The following RPAIN variants were observed in gnomAD, a reference collection of about 807,000 sequenced individuals.
RPAIN encodes the protein RPA interacting protein, also known as RPA-interacting protein.
RPAIN carries 29 observed loss-of-function variants against 30.5 expected under a neutral mutation model. The observed-to-expected ratio is 0.95, with a 90% CI of 0.71 to 1.30. The LOEUF (loss-of-function observed/expected upper bound fraction) is 1.30, where lower values mean the gene tolerates loss of function less well. Among genes scored for constraint, RPAIN ranks in the 50% most tolerant of loss-of-function variants. The probability of loss-of-function intolerance (pLI) is 0.00; values close to 1 mark genes in which losing one functional copy is unlikely to be tolerated. For missense variants in RPAIN, 247 were observed against 264.7 expected, an observed-to-expected ratio of 0.93 and a Z score of 0.46; for synonymous variants, 101 against 93.5, an observed-to-expected ratio of 1.08 and a Z score of -0.46.
At chr17:5,428,822 G>A (rs545888480) in intron 6 of RPAIN, 153 of 987,466 alleles carry the variant, frequency 1.5e-4, no homozygotes, top group Admixed American at 9.6e-4. Flanking sequence ...AATATGATAC[G>A]TATTATTATT....
intron 6 of RPAIN, chr17:5,430,903 C>CA (rs1405750775): frequency 6.3e-6 from 1 of 157,502 alleles, no homozygotes; most frequent in Non-Finnish European, 1.4e-5. Context: ...GTGTGAAAGA[C>CA]AAAATGCTGG....
intron 6 of RPAIN, 163 bp from the exon 7 acceptor site, chr17:5,432,379 A>T: frequency 1.5e-6 from 1 of 650,374 alleles, no homozygotes; most frequent in Non-Finnish European, 2.7e-6. Flanking sequence ...CAGCAATGCC[A>T]AAGAGGGGCG....
chr17:5,425,422 G>A (rs1038092921), intron 3 of RPAIN: 1 of 439,758 alleles, frequency 2.3e-6, no homozygotes. Flanking sequence ...TGCAACCTCC[G>A]CCTCCTGGGT....
rs1436480771 is a variant in RPAIN at position 5,421,305 on chromosome 17, G to A, written c.91G>A (p.Glu31Lys). The A allele has an allele frequency of 6.2e-7, 1 of 1,610,610 alleles. No individual in the cohort carries two copies. The highest frequency in any genetic ancestry group is 1.7e-5 in the Admixed American group (1 of 59,182). The change falls in exon 2 of 7, where the codon GAG becomes AAG. Residue 31 changes from glutamate (E) to lysine (K), a missense_variant. By Grantham distance (56) the Glu-to-Lys change is moderately conservative (BLOSUM62 1). Coordinates refer to ENST00000381209, the MANE Select transcript of RPAIN (RefSeq NM_001033002.4). ...TGCTCTTTTTTCCCAGAGATGCCTG[G>A]AGAGAATGAGAAACAGCCGGGACAG... ...WKEAFRQRCL[E>K]RMRNSRDRLL...
intron 6 of RPAIN, chr17:5,431,130 G>A (rs773546638): frequency 6.5e-5 from 20 of 308,552 alleles, no homozygotes; most frequent in African/African-American, 8.9e-5. Flanking sequence ...TGACAGTGCC[G>A]GCTCTGGGGT....
intron 3 of RPAIN, among the ~76,000 whole-genome samples, chr17:5,424,113 G>A (rs1185673820): frequency 6.6e-6 from 1 of 150,568 alleles, no homozygotes; most frequent in African/African-American, 2.4e-5. Context: ...TCAGCCTCCC[G>A]AGTAGCTGGG....
At chr17:5,421,149 G>A (rs765625072) in intron 1 of RPAIN, 147 bp from the exon 2 acceptor site, 2 of 712,642 alleles carry the variant, frequency 2.8e-6, no homozygotes, top group African/African-American at 1.8e-5. Context: ...CTCTACAGAG[G>A]AATATGCAAA....
chr17:5,432,584 C>G lies in RPAIN; in HGVS notation c.*13C>G, dbSNP rs1361333560. 2 of 1,613,048 alleles carry G rather than the reference C, an allele frequency of 1.2e-6. No homozygotes were observed. Among genetic ancestry groups the G allele is most frequent in the Non-Finnish European group, 1.7e-6 (2 of 1,178,998 alleles). ...TGTGATCCTCTAGAGCCAGCTTGGA[C>G]TCACATCATTCTATGGGGTTGAAGA... On this transcript the variant is annotated 3_prime_UTR_variant, in exon 7 of 7. Coordinates refer to ENST00000381209, the MANE Select transcript of RPAIN (RefSeq NM_001033002.4).
rs115985699 is a variant in RPAIN, at chr17:5,429,137, G to T, written c.630+926G>T. ...CTCAAGCCTTGGGTTGGTAATAAGA[G>T]AACAGAATAAACAGGCAGTACCCTG... On this transcript the variant is annotated intron_variant, in intron 6 of 6. Transcript: ENST00000381209. The T allele has an allele frequency of 1.5e-3, 1,440 of 985,410 alleles. 20 individuals carry two copies. In the African/African-American group the frequency reaches 0.023, roughly 16 times the overall value. 61.0% of individuals were successfully genotyped at this position (985,410 alleles called of 1,614,324 possible). A position where few individuals can be genotyped will look rare whatever the true frequency, so the allele number is the denominator to read the frequency against.
At chr17:5,420,811 G>A (rs1914705052) in intron 1 of RPAIN, among the ~76,000 whole-genome samples, 1 of 152,184 alleles carries the variant, frequency 6.6e-6, no homozygotes, top group African/African-American at 2.4e-5. Flanking sequence ...ATATGTTGTG[G>A]AGGGTTGTTT....
intron 2 of RPAIN, 85 bp downstream of exon 2, chr17:5,421,551 C>T (rs987663724): frequency 3.2e-6 from 4 of 1,263,118 alleles, no homozygotes; most frequent in African/African-American, 3.0e-5. Context: ...TACTTGAGTC[C>T]TCTAAACCCA....
Position 5,422,886 on chromosome 17 carries a change from C to G in RPAIN, c.313+57C>G, listed in dbSNP as rs527852725. 2.9e-6 allele frequency: 4 copies of G among 1,356,188 alleles called. 1 individual carries two copies. The East Asian group carries it at 9.4e-5, about 32-fold the overall frequency. The allele number at this position is 1,356,188 out of a possible 1,614,324, so 84.0% of individuals were successfully genotyped here. ...TATTTAGCTACTGGAATACTGTGACCTTTCCTCCAATCAGGATTAGTTTAT... is the reference window on the plus strand; with the variant it reads ...TATTTAGCTACTGGAATACTGTGACGTTTCCTCCAATCAGGATTAGTTTAT... On this transcript the variant is annotated intron_variant, in intron 3 of 6. Coordinates refer to ENST00000381209, the MANE Select transcript of RPAIN (RefSeq NM_001033002.4).
At chr17:5,424,673 C>T (rs1219441711) in intron 3 of RPAIN, among the ~76,000 whole-genome samples, 2 of 152,154 alleles carry the variant, frequency 1.3e-5, no homozygotes, top group Non-Finnish European at 2.9e-5. Flanking sequence ...CCCCGTGCCT[C>T]AGTTTCTTCA....
chr17:5,429,033 A>G, intron 6 of RPAIN: 5 of 981,902 alleles, frequency 5.1e-6, no homozygotes, highest in South Asian at 4.7e-5. Flanking sequence ...AGTTTCTTCC[A>G]TAGGTATTCT....
In RPAIN at chr17:5,421,323, C is replaced by T. The variant is rs7222862; in HGVS notation, c.109C>T (p.Arg37Trp). The change falls in exon 2 of 7, where the codon CGG (arginine) becomes TGG (tryptophan). Residue 37 changes from arginine (R) to tryptophan (W), a missense_variant. Arg to Trp is a moderately radical substitution (Grantham distance 101). Transcript: ENST00000381209. ...ATGCCTGGAGAGAATGAGAAACAGC[C>T]GGGACAGGCTCCTAAACAGGTACCG... ...QRCLERMRNS[R>W]DRLLNRYRQA... 48 of 1,613,062 alleles carry T rather than the reference C, an allele frequency of 3.0e-5. No individual in the cohort carries two copies. Among genetic ancestry groups the T allele is most frequent in the Non-Finnish European group, 3.7e-5 (44 of 1,179,660 alleles).
At chr17:5,425,911 G>A in intron 3 of RPAIN, 60 bp from the exon 4 acceptor site, 1 of 1,123,732 alleles carries the variant, frequency 8.9e-7, no homozygotes, top group Non-Finnish European at 1.3e-6. Context: ...GTGAAGTTTA[G>A]AATTAAATAC....
chr17:5,425,070 C>T (rs1406208980), intron 3 of RPAIN: 1 of 286,326 alleles, frequency 3.5e-6, no homozygotes, highest in Admixed American at 5.0e-5. Context: ...GTCTCTGGCA[C>T]AATTTCTCAG....
In RPAIN at chr17:5,421,410, G is replaced by A; in HGVS notation, c.196G>A (p.Glu66Lys). 3 of 1,614,158 alleles carry A rather than the reference G, an allele frequency of 1.9e-6. No homozygotes were observed. Among genetic ancestry groups the A allele is most frequent in the Non-Finnish European group, 2.5e-6 (3 of 1,180,024 alleles). ...QNSFLVQEVM[E>K]EEWNALQSVE... is the part of the protein sequence containing the mutation. Reference sequence around the variant, plus strand: ...CAGCTTTCTAGTTCAAGAGGTGATGGAAGAAGAGTGGAATGCTTTGCAGTC... The same window carrying A: ...CAGCTTTCTAGTTCAAGAGGTGATGAAAGAAGAGTGGAATGCTTTGCAGTC... The change falls in exon 2 of 7, where the codon GAA becomes AAA. Residue 66 changes from glutamate (E) to lysine (K), a missense_variant. By Grantham distance (56) the Glu-to-Lys change is moderately conservative. Transcript: ENST00000381209.
intron 6 of RPAIN, 73 bp downstream of exon 6, chr17:5,428,284 T>C: frequency 6.2e-7 from 1 of 1,607,940 alleles, no homozygotes; most frequent in Non-Finnish European, 8.5e-7. Context: ...TTGATAGAAA[T>C]AATGACCTAT....
Sources: gnomAD v4.1 joint callset for allele counts (sites outside exome capture counted in the v4.1 genomes callset) on GRCh38, gnomAD v4.1.1 for gene constraint, MANE v1.5 for transcripts, NCBI Gene and HGNC (gene_info 2026-07-23, HGNC 2026-07-21) for gene names.